The following MARCHF1 variants were observed in gnomAD, a reference collection of about 807,000 sequenced individuals.
MARCHF1 encodes E3 ubiquitin-protein ligase MARCHF1.
A neutral mutation model predicts 54.2 loss-of-function variants in MARCHF1; 40 were observed. The observed-to-expected ratio is 0.74, with a 90% CI of 0.57 to 0.96. MARCHF1 has a LOEUF of 0.96. Ranked by LOEUF, MARCHF1 falls within the 40% of genes least tolerant of loss-of-function variation. MARCHF1 has a pLI of 0.00. For synonymous variants in MARCHF1, 236 were observed against 236.3 expected, an observed-to-expected ratio of 1.00 and a Z score of 0.01; for missense variants, 586 against 656.5, an observed-to-expected ratio of 0.89 and a Z score of 1.17.
At chr4:163,875,997 G>A (rs1036175263) in intron 3 of MARCHF1, among the ~76,000 whole-genome samples, 1 of 151,956 alleles carries the variant, frequency 6.6e-6, no homozygotes, top group Non-Finnish European at 1.5e-5. Context: ...ATATTGAAGC[G>A]ATAAAGGAAA....
chr4:163,791,220 G>A (rs1747765975), intron 4 of MARCHF1, among the ~76,000 whole-genome samples: 1 of 152,116 alleles, frequency 6.6e-6, no homozygotes, highest in Middle Eastern at 3.4e-3. Context: ...AGAAACTTAC[G>A]ATAGGTATGT....
In MARCHF1 at chr4:163,889,923, TTTC is replaced by T. The variant is rs1195175189; in HGVS notation, c.-38-35757_-38-35755del. On this transcript the variant is annotated intron_variant, in intron 3 of 9. Transcript: ENST00000514618. Reference sequence around the variant, plus strand: ...TAAACTTCGTTTATTTATTTTCTTTTTTCTTTTTTTTTTTTTTTTGAGATGGAA... The same window carrying T: ...TAAACTTCGTTTATTTATTTTCTTTTTTTTTTTTTTTTTTTTGAGATGGAA... Among the ~76,000 whole-genome samples, 230 of 113,866 alleles carry T rather than the reference TTTC, an allele frequency of 2.0e-3. 9 individuals carry two copies. The highest frequency in any genetic ancestry group is 6.0e-3 in the African/African-American group (193 of 31,954). The allele number at this position is 113,866 out of a possible 152,430, so 74.7% of individuals were successfully genotyped here.
rs368664433 is a variant in MARCHF1 at position 163,905,548 on chromosome 4, AG to A, written c.-38-51380del. Among the ~76,000 whole-genome samples the A allele has an allele frequency of 3.4e-3, 514 of 152,226 alleles. 4 individuals carry two copies. The highest frequency in any genetic ancestry group is 0.014 in the Middle Eastern group (4 of 294). Reference sequence around the variant, plus strand: ...GAAAAAGAGGAAATAAAGCATTGAAAGGAAGAATTTCTGCTGAGAGCAGGGG... The same window carrying A: ...GAAAAAGAGGAAATAAAGCATTGAAAGAAGAATTTCTGCTGAGAGCAGGGG... On this transcript the variant is annotated intron_variant, in intron 3 of 9. Transcript: ENST00000514618.
At chr4:163,561,637 A>AT (rs990285115) in intron 8 of MARCHF1, among the ~76,000 whole-genome samples, 1 of 152,120 alleles carries the variant, frequency 6.6e-6, no homozygotes, top group East Asian at 1.9e-4. Flanking sequence ...TTAAATTTTC[A>AT]TTTTTTTCAC....
chr4:163,747,021 T>C (rs1746383009), intron 4 of MARCHF1, among the ~76,000 whole-genome samples: 2 of 152,330 alleles, frequency 1.3e-5, no homozygotes, highest in South Asian at 2.1e-4. Flanking sequence ...TACAACACTT[T>C]GCTGAGGTAA....
At chr4:163,546,608 C>T (rs1738915354) in intron 8 of MARCHF1, among the ~76,000 whole-genome samples, 1 of 152,172 alleles carries the variant, frequency 6.6e-6, no homozygotes, top group Non-Finnish European at 1.5e-5. Flanking sequence ...CTGTTCACAA[C>T]TATTATAGAA....
chr4:164,006,867 C>T (rs375389376), intron 2 of MARCHF1, among the ~76,000 whole-genome samples: 1 of 151,424 alleles, frequency 6.6e-6, no homozygotes, highest in East Asian at 1.9e-4. Context: ...TACTATGTAT[C>T]CAGCAAAATT....
chr4:163,955,796 G>A (rs1409179178), intron 3 of MARCHF1, among the ~76,000 whole-genome samples: 3 of 152,134 alleles, frequency 2.0e-5, no homozygotes, highest in Non-Finnish European at 4.4e-5. Flanking sequence ...GCAGTGTATT[G>A]TGACAGATTC....
chr4:164,022,017 C>A (rs77669617), intron 2 of MARCHF1, among the ~76,000 whole-genome samples: 1 of 151,922 alleles, frequency 6.6e-6, no homozygotes, highest in Non-Finnish European at 1.5e-5. Flanking sequence ...AGAGTAAAAG[C>A]CTTCCATCAA....
At chr4:164,231,918 G>A (rs1214419619) in intron 1 of MARCHF1, among the ~76,000 whole-genome samples, 1 of 151,896 alleles carries the variant, frequency 6.6e-6, no homozygotes, top group Non-Finnish European at 1.5e-5. Context: ...CACTATAATT[G>A]CAATTAAAAT....
In MARCHF1 at chr4:164,132,696, C is replaced by G. The variant is rs184458208; in HGVS notation, c.-322-21034G>C. Among the ~76,000 whole-genome samples the G allele has an allele frequency of 3.3e-5, 5 of 152,144 alleles. No individual in the cohort carries two copies. The East Asian group carries it at 9.7e-4, about 29-fold the overall frequency. On this transcript the variant is annotated intron_variant, in intron 1 of 9. Transcript: ENST00000514618. ...TTTAGTGTTTACTGATGACACTTAC[C>G]TGAATTAATTATAAATGTTAAATCT...
chr4:164,005,287 C>G (rs149313153), intron 2 of MARCHF1, among the ~76,000 whole-genome samples: 1 of 152,098 alleles, frequency 6.6e-6, no homozygotes, highest in South Asian at 2.1e-4. Context: ...AATTTTAATA[C>G]CGCAATTAAA....
At chr4:163,650,597 G>C (rs993849790) in intron 5 of MARCHF1, among the ~76,000 whole-genome samples, 4 of 151,960 alleles carry the variant, frequency 2.6e-5, no homozygotes, top group Non-Finnish European at 2.9e-5. Flanking sequence ...TCTTTCTTAA[G>C]ATTGTTGCTG....
intron 4 of MARCHF1, among the ~76,000 whole-genome samples, chr4:163,831,621 A>T (rs1749027994): frequency 6.6e-6 from 1 of 152,150 alleles, no homozygotes; most frequent in Non-Finnish European, 1.5e-5. Flanking sequence ...AATAAAAATA[A>T]AGTCCAAAGT....
At chr4:163,928,765 GT>G (rs1404052631) in intron 3 of MARCHF1, among the ~76,000 whole-genome samples, 1 of 151,958 alleles carries the variant, frequency 6.6e-6, no homozygotes, top group East Asian at 1.9e-4. Flanking sequence ...CATGCTGAGA[GT>G]GGTAAAAATC....
At chr4:163,600,240 A>G (rs1430488398) in intron 7 of MARCHF1, among the ~76,000 whole-genome samples, 1 of 152,104 alleles carries the variant, frequency 6.6e-6, no homozygotes, top group East Asian at 1.9e-4. Flanking sequence ...ACACACACAC[A>G]TATATCTTCT....
Position 164,152,887 on chromosome 4 carries a change from C to T in MARCHF1, c.-322-41225G>A, listed in dbSNP as rs572418020. Among the ~76,000 whole-genome samples, 9 of 152,148 alleles carry T rather than the reference C, an allele frequency of 5.9e-5. No homozygotes were observed. In the East Asian group the frequency reaches 1.2e-3, roughly 20 times the overall value. The stretch of plus-strand genomic sequence containing the variant: ...ACCTATAGCCTGGAAGTCCACCCCC[C>T]ACCCACCCCAGTTTGAGTCGTTCCG... On this transcript the variant is annotated intron_variant, in intron 1 of 9. Transcript: ENST00000514618.
intron 4 of MARCHF1, among the ~76,000 whole-genome samples, chr4:163,842,886 AG>A (rs1428587550): frequency 6.6e-6 from 1 of 151,988 alleles, no homozygotes; most frequent in Non-Finnish European, 1.5e-5. Context: ...TTTCAGGTTC[AG>A]GGGATGCATG....
At chr4:163,677,092 A>G (rs578019017) in intron 5 of MARCHF1, among the ~76,000 whole-genome samples, 2 of 152,364 alleles carry the variant, frequency 1.3e-5, no homozygotes, top group African/African-American at 2.4e-5. Context: ...CATATAAATC[A>G]AAACCTTTCA....
Sources: gnomAD v4.1 joint callset for allele counts (sites outside exome capture counted in the v4.1 genomes callset) on GRCh38, gnomAD v4.1.1 for gene constraint, MANE v1.5 for transcripts, NCBI Gene and HGNC (gene_info 2026-07-23, HGNC 2026-07-21) for gene names.